METTL15: variants seen among roughly 807,000 people sequenced by gnomAD.
METTL15 encodes the protein methyltransferase 15, mitochondrial 12S rRNA N4-cytidine.
A neutral mutation model predicts 38.3 loss-of-function variants in METTL15; 34 were observed. The observed-to-expected ratio is 0.89, with a 90% CI of 0.68 to 1.18. The LOEUF is 1.18. Among genes scored for constraint, METTL15 ranks in the 50% most tolerant of loss-of-function variants. The pLI is 0.00. For synonymous variants in METTL15, 162 were observed against 170.9 expected (o/e 0.95, Z 0.41); for missense variants, 438 against 498.4 (o/e 0.88, Z 1.15).
chr11:28,196,571 C>G lies in METTL15; in HGVS notation c.271-14491C>G, dbSNP rs73436568. On this transcript the variant is annotated intron_variant, in intron 3 of 6. Transcript: ENST00000407364. ...TTGTAACGTGAGACTTTACTGAATT[C>G]ATTTATCAAATCTAGGGGTCTTTTG... Among the ~76,000 whole-genome samples the G allele has an allele frequency of 1.4e-3, 220 of 151,934 alleles. 1 individual carries two copies. The highest frequency in any genetic ancestry group is 5.1e-3 in the African/African-American group (212 of 41,500).
chr11:28,499,739 C>T (rs1753774194), intron 6 of METTL15, among the ~76,000 whole-genome samples: 1 of 152,124 alleles, frequency 6.6e-6, no homozygotes, highest in Admixed American at 6.5e-5. Flanking sequence ...TTGGGCATTT[C>T]AGAGGTCAGG....
intron 6 of METTL15, among the ~76,000 whole-genome samples, chr11:28,326,705 G>C (rs1009642408): frequency 3.3e-5 from 5 of 152,090 alleles, no homozygotes; most frequent in Admixed American, 6.5e-5. Context: ...AGCCTCTGGA[G>C]TAGCTGGGAC....
chr11:28,448,477 G>A (rs1008426370), intron 6 of METTL15, among the ~76,000 whole-genome samples: 1 of 152,124 alleles, frequency 6.6e-6, no homozygotes, highest in Non-Finnish European at 1.5e-5. Flanking sequence ...GATGCTTCAG[G>A]AATGAGAGAT....
At chr11:28,246,383 G>A (rs373745546) in intron 4 of METTL15, among the ~76,000 whole-genome samples, 164 of 152,144 alleles carry the variant, frequency 1.1e-3, no homozygotes, top group African/African-American at 2.1e-3. Flanking sequence ...TAAGACATAT[G>A]TACTTATTAG....
At chr11:28,237,310 C>CT (rs1854040061) in intron 4 of METTL15, among the ~76,000 whole-genome samples, 1 of 152,050 alleles carries the variant, frequency 6.6e-6, no homozygotes, top group African/African-American at 2.4e-5. Flanking sequence ...TCTTTTTATT[C>CT]TTTTTTCTCT....
intron 4 of METTL15, among the ~76,000 whole-genome samples, chr11:28,250,728 G>A (rs989338295): frequency 2.6e-5 from 4 of 151,888 alleles, no homozygotes; most frequent in African/African-American, 9.7e-5. Context: ...GGTTCTCTTT[G>A]TCCAGAAAAT....
intron 5 of METTL15, among the ~76,000 whole-genome samples, chr11:28,416,265 C>G (rs1216435207): frequency 2.6e-5 from 4 of 152,162 alleles, no homozygotes. Flanking sequence ...TCTATCTATA[C>G]CCCTGGCAAC....
At chr11:28,451,825 G>A (rs1851124930) in intron 6 of METTL15, among the ~76,000 whole-genome samples, 2 of 152,172 alleles carry the variant, frequency 1.3e-5, no homozygotes, top group South Asian at 4.1e-4. Context: ...ATGGGTTATG[G>A]CAGCCTTCCA....
intron 6 of METTL15, among the ~76,000 whole-genome samples, chr11:28,442,855 C>T (rs947711864): frequency 1.3e-5 from 2 of 152,156 alleles, no homozygotes; most frequent in African/African-American, 2.4e-5. Flanking sequence ...GTAATCCAAC[C>T]TCCATTTCTA....
At chr11:28,245,829 G>C (rs927840875) in intron 4 of METTL15, among the ~76,000 whole-genome samples, 1 of 152,146 alleles carries the variant, frequency 6.6e-6, no homozygotes, top group East Asian at 1.9e-4. Flanking sequence ...GAAGAGGGAA[G>C]TGCTACACAG....
chr11:28,504,025 G>A (rs750861707), intron 6 of METTL15, among the ~76,000 whole-genome samples: 23 of 150,618 alleles, frequency 1.5e-4, no homozygotes, highest in Non-Finnish European at 2.7e-4. Context: ...GTGAAACATC[G>A]TCTCTACTAA....
chr11:28,298,395 A>C (rs1856810595), intron 6 of METTL15, among the ~76,000 whole-genome samples: 1 of 152,094 alleles, frequency 6.6e-6, no homozygotes, highest in Non-Finnish European at 1.5e-5. Context: ...GAGCATCCTA[A>C]AAATTGTCTA....
chr11:28,394,728 A>G (rs1474183955), intron 5 of METTL15, among the ~76,000 whole-genome samples: 1 of 152,086 alleles, frequency 6.6e-6, no homozygotes, highest in Non-Finnish European at 1.5e-5. Flanking sequence ...GCTGCTGTCT[A>G]CTGGAAGTGG....
chr11:28,257,490 T>A (rs1292622450), intron 4 of METTL15, among the ~76,000 whole-genome samples: 1 of 152,222 alleles, frequency 6.6e-6, no homozygotes, highest in Non-Finnish European at 1.5e-5. Flanking sequence ...TCCTTATCTG[T>A]CTCTCTAGAC....
chr11:28,445,121 A>G (rs1042099765), intron 6 of METTL15, among the ~76,000 whole-genome samples: 2 of 152,092 alleles, frequency 1.3e-5, no homozygotes, highest in African/African-American at 4.8e-5. Context: ...TAAGATGAAC[A>G]CTTTTCCTAG....
intron 6 of METTL15, among the ~76,000 whole-genome samples, chr11:28,319,322 A>G (rs369153986): frequency 6.6e-6 from 1 of 152,308 alleles, no homozygotes; most frequent in African/African-American, 2.4e-5. Context: ...TGATCAGGAA[A>G]AAGATGAGAT....
At chr11:28,312,344 AAAG>A (rs1857334069) in intron 6 of METTL15, among the ~76,000 whole-genome samples, 1 of 152,224 alleles carries the variant, frequency 6.6e-6, no homozygotes, top group Non-Finnish European at 1.5e-5. Flanking sequence ...TGCTTCCTAA[AAAG>A]AAGAAAAAAT....
intron 6 of METTL15, among the ~76,000 whole-genome samples, chr11:28,427,815 G>A (rs899311211): frequency 6.6e-6 from 1 of 152,184 alleles, no homozygotes; most frequent in Admixed American, 6.5e-5. Flanking sequence ...GTAGCTTATT[G>A]GCTTAAGAAG....
chr11:28,159,348 C>T (rs1451903063), intron 3 of METTL15, among the ~76,000 whole-genome samples: 1 of 151,772 alleles, frequency 6.6e-6, no homozygotes. Flanking sequence ...TTACCATGCC[C>T]TGTGATTAAG....
Sources: allele counts gnomAD v4.1 joint callset (sites outside exome capture counted in the v4.1 genomes callset), GRCh38; gene constraint gnomAD v4.1.1; transcripts MANE v1.5; gene names NCBI Gene and HGNC (gene_info 2026-07-23, HGNC 2026-07-21).